Variants in GPR89A observed in about 807,000 individuals in gnomAD.
GPR89A encodes golgi pH regulator A.
Under a neutral mutation model 52.0 loss-of-function variants are expected in GPR89A, and 16 were observed. The observed-to-expected ratio is 0.31, with a 90% confidence interval of 0.21 to 0.47. The LOEUF (loss-of-function observed/expected upper bound fraction) is 0.47, where lower values mean the gene tolerates loss of function less well. Among genes scored for constraint, GPR89A ranks in the 20% least tolerant of loss-of-function variants. GPR89A has a pLI of 1.00. For synonymous variants in GPR89A, 55 were observed against 150.9 expected, an observed-to-expected ratio of 0.36 and a Z score of 4.66; for missense variants, 135 against 449.4, an observed-to-expected ratio of 0.30 and a Z score of 6.33.
Position 145,641,004 on chromosome 1 carries a change from A to T in GPR89A, c.618-2865A>T, listed in dbSNP as rs373621179. ...AGAATAGCTAAAATAAAAATTAGTGACAACACCAAATACTAATAAGAATGC... is the reference window on the plus strand; with the variant it reads ...AGAATAGCTAAAATAAAAATTAGTGTCAACACCAAATACTAATAAGAATGC... On this transcript the variant is annotated intron_variant, in intron 7 of 13. Coordinates refer to ENST00000313835, the MANE Select transcript of GPR89A (RefSeq NM_001097612.2). 2.0e-5 allele frequency among the ~76,000 whole-genome samples: 3 copies of T among 151,700 alleles called. No individual in the cohort carries two copies. In the South Asian group the frequency reaches 6.2e-4, roughly 32 times the overall value.
At chr1:145,647,765 A>T (rs2101809304) in intron 10 of GPR89A, among the ~76,000 whole-genome samples, 1 of 133,856 alleles carries the variant, frequency 7.5e-6, no homozygotes, top group East Asian at 2.2e-4. Context: ...AGATCACGCC[A>T]CTGCACTCCA....
At chr1:145,628,487 C>T (rs1274249527) in intron 5 of GPR89A, among the ~76,000 whole-genome samples, 1 of 151,806 alleles carries the variant, frequency 6.6e-6, no homozygotes, top group African/African-American at 2.4e-5. Context: ...GGTTAAAGCC[C>T]AGACTCTGGA....
At chr1:145,656,973 A>G (rs1291525090) in intron 10 of GPR89A, among the ~76,000 whole-genome samples, 1 of 152,136 alleles carries the variant, frequency 6.6e-6, no homozygotes, top group Non-Finnish European at 1.5e-5. Context: ...AGTCTGCTAT[A>G]GTTGATTACA....
At chr1:145,643,450 G>C (rs1300893243) in intron 7 of GPR89A, among the ~76,000 whole-genome samples, 1 of 152,130 alleles carries the variant, frequency 6.6e-6, no homozygotes, top group Non-Finnish European at 1.5e-5. Flanking sequence ...ACAGGAGTGA[G>C]CCACCACACC....
intron 3 of GPR89A, among the ~76,000 whole-genome samples, chr1:145,622,136 C>T (rs1213216516): frequency 6.6e-6 from 1 of 152,064 alleles, no homozygotes; most frequent in African/African-American, 2.4e-5. Flanking sequence ...ACATTCCTAG[C>T]GTCTCTATTT....
At chr1:145,660,761 A>G (rs1571542527) in intron 10 of GPR89A, among the ~76,000 whole-genome samples, 2 of 151,792 alleles carry the variant, frequency 1.3e-5, no homozygotes, top group Non-Finnish European at 2.9e-5. Context: ...ATGACATACC[A>G]TCTCACACCA....
Position 145,619,318 on chromosome 1 carries a change from A to G in GPR89A, c.206+895A>G, listed in dbSNP as rs1302419592. On this transcript the variant is annotated intron_variant, in intron 3 of 13. Transcript: ENST00000313835. ...ATTGAAAGGTTAAAAAAAAAAAAAG[A>G]AGAGAGAGGGGCCAGACATAGTGGC... Among the ~76,000 whole-genome samples the G allele has an allele frequency of 1.8e-3, 262 of 147,150 alleles. 3 individuals are homozygous for G. The highest frequency in any genetic ancestry group is 4.5e-3 in the African/African-American group (180 of 40,122).
chr1:145,623,168 T>C lies in GPR89A; in HGVS notation c.313+8T>C, dbSNP rs587685962. 6.2e-7 allele frequency: 1 copy of C among 1,613,208 alleles called. No individual in the cohort carries two copies. Among genetic ancestry groups the C allele is most frequent in the African/African-American group, 1.3e-5 (1 of 75,000 alleles). On this transcript the variant is annotated splice_region_variant and intron_variant, in intron 4 of 13. Coordinates refer to ENST00000313835, the MANE Select transcript of GPR89A (RefSeq NM_001097612.2). ...TGAGCAATATCCGACTACGTAAGTATTTTACCCTCTCAGTCAGCATATAGA... is the reference window on the plus strand; with the variant it reads ...TGAGCAATATCCGACTACGTAAGTACTTTACCCTCTCAGTCAGCATATAGA...
intron 12 of GPR89A, among the ~76,000 whole-genome samples, chr1:145,667,584 C>A (rs1222855460): frequency 6.6e-6 from 1 of 152,148 alleles, no homozygotes; most frequent in Non-Finnish European, 1.5e-5. Context: ...AATTAAATCC[C>A]ATTTGTCAAT....
At chr1:145,617,271 G>A (rs1648773957) in intron 2 of GPR89A, among the ~76,000 whole-genome samples, 2 of 152,182 alleles carry the variant, frequency 1.3e-5, no homozygotes, top group East Asian at 3.9e-4. Context: ...AAGAAGAAGA[G>A]TATGACTCTA....
intron 1 of GPR89A, among the ~76,000 whole-genome samples, chr1:145,610,847 C>CT (rs587710518): frequency 8.7e-5 from 13 of 149,138 alleles, no homozygotes; most frequent in South Asian, 4.2e-4. Flanking sequence ...TGATGGCCAT[C>CT]TTTTTTTTTT....
intron 7 of GPR89A, among the ~76,000 whole-genome samples, chr1:145,641,140 C>T (rs1200903999): frequency 4.8e-4 from 72 of 151,342 alleles, no homozygotes; most frequent in Non-Finnish European, 1.3e-4. Flanking sequence ...TACCACACCC[C>T]AACAATTGCA....
chr1:145,661,813 C>G (rs1377238077), intron 10 of GPR89A, among the ~76,000 whole-genome samples: 1 of 148,970 alleles, frequency 6.7e-6, no homozygotes, highest in Non-Finnish European at 1.5e-5. Flanking sequence ...TACTGCTATA[C>G]TAGATCTCAC....
At chr1:145,617,716 C>A (rs1223676601) in intron 2 of GPR89A, among the ~76,000 whole-genome samples, 1 of 152,024 alleles carries the variant, frequency 6.6e-6, no homozygotes, top group Non-Finnish European at 1.5e-5. Flanking sequence ...TCCCGCAACA[C>A]AAGGCTGGTG....
chr1:145,627,866 AC>A, intron 5 of GPR89A, among the ~76,000 whole-genome samples: 1 of 151,534 alleles, frequency 6.6e-6, no homozygotes, highest in South Asian at 2.1e-4. Context: ...GGCACAGGAG[AC>A]ATCATGTAAA....
chr1:145,650,614 C>T (rs374297482), intron 10 of GPR89A, among the ~76,000 whole-genome samples: 15 of 151,030 alleles, frequency 9.9e-5, no homozygotes, highest in East Asian at 7.7e-4. Context: ...AGTGTAAAAG[C>T]GTTCCTATTT....
Position 145,670,482 on chromosome 1 carries a change from T to C in GPR89A, c.*442T>C. On this transcript the variant is annotated 3_prime_UTR_variant, in exon 14 of 14. Transcript: ENST00000313835. ...CTGTAACACTTTTGCCTTACGTTCA[T>C]TTTATCAAGCATAGCTTGGTATTTA... The C allele has an allele frequency of 3.7e-6, 1 of 273,104 alleles. No homozygotes were observed. The highest frequency in any genetic ancestry group is 4.2e-5 in the South Asian group (1 of 23,936). 16.9% of individuals were successfully genotyped at this position (273,104 alleles called of 1,614,324 possible).
intron 1 of GPR89A, among the ~76,000 whole-genome samples, chr1:145,613,331 G>C (rs1648431345): frequency 1.3e-5 from 2 of 151,182 alleles, no homozygotes; most frequent in South Asian, 4.2e-4. Flanking sequence ...TCTCAAATCT[G>C]TTTTCTCCTC....
intron 10 of GPR89A, among the ~76,000 whole-genome samples, chr1:145,650,668 A>G (rs1359306547): frequency 6.6e-6 from 1 of 151,250 alleles, no homozygotes; most frequent in Non-Finnish European, 1.5e-5. Flanking sequence ...ACTTTTTAAT[A>G]ATTGCCATTC....
Sources: gnomAD v4.1 joint callset for allele counts (sites outside exome capture counted in the v4.1 genomes callset) on GRCh38, gnomAD v4.1.1 for gene constraint, MANE v1.5 for transcripts, NCBI Gene and HGNC (gene_info 2026-07-23, HGNC 2026-07-21) for gene names.